The following PRKCA variants were observed in gnomAD, a reference collection of about 807,000 sequenced individuals.
The protein encoded by PRKCA is protein kinase C alpha type.
PRKCA carries 27 observed loss-of-function variants against 87.0 expected under a neutral mutation model. The observed-to-expected ratio is 0.31, with a 90% CI of 0.23 to 0.43. The LOEUF is 0.43. Among genes scored for constraint, PRKCA ranks in the 20% least tolerant of loss-of-function variants. The pLI, the probability that PRKCA is intolerant of heterozygous loss-of-function variation, is 1.00. For synonymous variants in PRKCA, 329 were observed against 311.1 expected, an observed-to-expected ratio of 1.06 and a Z score of -0.61; for missense variants, 518 against 852.3, an observed-to-expected ratio of 0.61 and a Z score of 4.88.
chr17:66,700,234 G>T (rs1269757792), intron 8 of PRKCA, among the ~76,000 whole-genome samples: 1 of 152,126 alleles, frequency 6.6e-6, no homozygotes, highest in Non-Finnish European at 1.5e-5. Context: ...TGCAGAAAAA[G>T]GATTTGACAA....
chr17:66,565,109 T>G, intron 3 of PRKCA, among the ~76,000 whole-genome samples: 1 of 152,208 alleles, frequency 6.6e-6, no homozygotes, highest in East Asian at 1.9e-4. Flanking sequence ...ATGTAACTTT[T>G]GGCAGTTCCT....
At chr17:66,642,785 T>G (rs35079235) in intron 4 of PRKCA, among the ~76,000 whole-genome samples, 63,133 of 151,464 alleles carry the variant, frequency 0.42, 14,063 homozygotes, top group African/African-American at 0.6. Flanking sequence ...TTTCCACCAT[T>G]TAATCCCAGC....
chr17:66,347,556 G>A (rs1373401207), intron 2 of PRKCA, among the ~76,000 whole-genome samples: 7 of 152,082 alleles, frequency 4.6e-5, no homozygotes, highest in Non-Finnish European at 7.4e-5. Flanking sequence ...TGGTGTGACC[G>A]CATTCTTTAG....
intron 3 of PRKCA, among the ~76,000 whole-genome samples, chr17:66,577,369 C>T (rs1969270650): frequency 6.6e-6 from 1 of 152,108 alleles, no homozygotes; most frequent in Admixed American, 6.6e-5. Context: ...CTGAGAGGTG[C>T]GAGCTCCCTT....
At chr17:66,317,141 C>CA (rs1203756925) in intron 2 of PRKCA, among the ~76,000 whole-genome samples, 4,710 of 82,074 alleles carry the variant, frequency 0.057, 93 homozygotes, top group Middle Eastern at 0.12. Context: ...GACTCTGTCT[C>CA]AAAAAAAAAA....
chr17:66,571,866 G>C (rs115497548), intron 3 of PRKCA, among the ~76,000 whole-genome samples: 1 of 152,208 alleles, frequency 6.6e-6, no homozygotes, highest in Non-Finnish European at 1.5e-5. Context: ...TACGAAGCCT[G>C]TTGGATGCCA....
intron 8 of PRKCA, among the ~76,000 whole-genome samples, chr17:66,718,016 T>C (rs1324251268): frequency 6.6e-6 from 1 of 152,160 alleles, no homozygotes. Flanking sequence ...AAAAATGCCG[T>C]CAGAAGGAAG....
intron 11 of PRKCA, 105 bp downstream of exon 11, chr17:66,738,960 T>C: frequency 5.7e-6 from 5 of 882,778 alleles, no homozygotes; most frequent in Non-Finnish European, 9.0e-6. Flanking sequence ...ACTCTGTCAC[T>C]CAGGCTTTGC....
intron 3 of PRKCA, among the ~76,000 whole-genome samples, chr17:66,555,488 T>C (rs1480673863): frequency 3.9e-5 from 6 of 152,184 alleles, no homozygotes; most frequent in African/African-American, 1.4e-4. Flanking sequence ...TTGGGCACCT[T>C]TGAACAGAGA....
At chr17:66,773,852 G>A (rs1459761335) in intron 13 of PRKCA, 135 bp from the exon 14 acceptor site, 10 of 1,418,250 alleles carry the variant, frequency 7.1e-6, no homozygotes, top group South Asian at 5.2e-5. Context: ...TTCCCTTGGC[G>A]TAACATCAAA....
At chr17:66,578,614 A>G (rs1394597350) in intron 3 of PRKCA, among the ~76,000 whole-genome samples, 1 of 152,180 alleles carries the variant, frequency 6.6e-6, no homozygotes, top group African/African-American at 2.4e-5. Context: ...TATAAATAAG[A>G]AAGTAAACCC....
intron 2 of PRKCA, among the ~76,000 whole-genome samples, chr17:66,383,321 T>C (rs1240998658): frequency 6.6e-6 from 1 of 152,202 alleles, no homozygotes; most frequent in Non-Finnish European, 1.5e-5. Context: ...CTAATTTCAG[T>C]GTCATCAACA....
intron 3 of PRKCA, among the ~76,000 whole-genome samples, chr17:66,610,770 A>G (rs549188637): frequency 6.6e-6 from 1 of 152,156 alleles, no homozygotes; most frequent in East Asian, 1.9e-4. Flanking sequence ...TCCCCTATTG[A>G]TTGGGGTTGG....
intron 3 of PRKCA, among the ~76,000 whole-genome samples, chr17:66,571,971 GTATAATTCCGTCTGACGTGCCACTCCA>G (rs1200422065): frequency 6.6e-6 from 1 of 152,140 alleles, no homozygotes; most frequent in East Asian, 1.9e-4. Flanking sequence ...GTGCCACTCC[GTATAATTCCGTCTGACGTGCCACTCCA>G]TATAATTGGG....
At chr17:66,551,248 A>G (rs973067959) in intron 3 of PRKCA, among the ~76,000 whole-genome samples, 7 of 152,294 alleles carry the variant, frequency 4.6e-5, no homozygotes, top group Middle Eastern at 3.4e-3. Context: ...ACTTTTCCGT[A>G]GAGACAGGGT....
chr17:66,536,290 A>G (rs775157603), intron 3 of PRKCA, among the ~76,000 whole-genome samples: 11 of 152,160 alleles, frequency 7.2e-5, no homozygotes, highest in Non-Finnish European at 1.6e-4. Flanking sequence ...ACTTCCCTGA[A>G]CTTTACTCTG....
intron 3 of PRKCA, among the ~76,000 whole-genome samples, chr17:66,573,232 T>C (rs1453475214): frequency 6.6e-6 from 1 of 152,188 alleles, no homozygotes; most frequent in Non-Finnish European, 1.5e-5. Context: ...AAGGACCTTG[T>C]AATGAGCAGC....
chr17:66,658,971 A>G (rs1971813154), intron 5 of PRKCA, among the ~76,000 whole-genome samples: 1 of 152,234 alleles, frequency 6.6e-6, no homozygotes, highest in African/African-American at 2.4e-5. Flanking sequence ...CTGTATGAGT[A>G]GAACAGTTGC....
At chr17:66,440,590 A>G (rs1042517920) in intron 2 of PRKCA, among the ~76,000 whole-genome samples, 2 of 152,144 alleles carry the variant, frequency 1.3e-5, no homozygotes, top group South Asian at 2.1e-4. Flanking sequence ...CAGGAGAACT[A>G]TAGGATGCTG....
Sources: gnomAD v4.1 joint callset for allele counts (sites outside exome capture counted in the v4.1 genomes callset) on GRCh38, gnomAD v4.1.1 for gene constraint, MANE v1.5 for transcripts, NCBI Gene and HGNC (gene_info 2026-07-23, HGNC 2026-07-21) for gene names.